The following MTARC2 variants were observed in gnomAD, a reference collection of about 807,000 sequenced individuals.
The protein encoded by MTARC2 is MOCO sulphurase C-terminal domain containing 2.
In MTARC2, 27 loss-of-function variants were observed where a neutral mutation model predicts 35.6. The ratio of observed to expected loss-of-function variants is 0.76; its 90% confidence interval spans 0.56 to 1.04. MTARC2 has a LOEUF of 1.04. Ranked by LOEUF, MTARC2 falls within the 50% of genes least tolerant of loss-of-function variation. The probability of loss-of-function intolerance (pLI) is 0.00; values close to 1 mark genes in which losing one functional copy is unlikely to be tolerated. For synonymous variants in MTARC2, 158 were observed against 167.1 expected (o/e 0.95, Z 0.42); for missense variants, 412 against 432.5 (o/e 0.95, Z 0.42).
rs749202210 is a variant in MTARC2 at position 220,748,746 on chromosome 1, C to G, written c.215C>G (p.Pro72Arg). The G allele has an allele frequency of 2.5e-6, 4 of 1,600,196 alleles. No homozygotes were observed. The highest frequency in any genetic ancestry group is 3.4e-5 in the Admixed American group (2 of 58,858). ...IYPVKSCKGV[P>R]VSEAECTAMG... ...CCGGTGAAATCCTGCAAAGGGGTGCCGGTGAGCGAGGCTGAGTGCACGGCC... is the reference window on the plus strand; with the variant it reads ...CCGGTGAAATCCTGCAAAGGGGTGCGGGTGAGCGAGGCTGAGTGCACGGCC... The change falls in exon 1 of 8, where the codon CCG (proline) becomes CGG (arginine). Residue 72 changes from proline (P) to arginine (R), a missense_variant. Pro to Arg is a moderately radical substitution (Grantham distance 103). Transcript: ENST00000366913.
rs1672154903 is a variant in MTARC2 at position 220,784,206 on chromosome 1, T to C, written c.*319T>C. 4 of 413,700 alleles carry C rather than the reference T, an allele frequency of 9.7e-6. No homozygotes were observed. The Admixed American group carries it at 1.6e-4, about 17-fold the overall frequency. 25.6% of individuals were successfully genotyped at this position (413,700 alleles called of 1,614,324 possible). ...CTATTACACTTTTACTTCCTGACTT[T>C]AATATTGATGAATAAAGCAAGTTTA... is the stretch of plus-strand genomic sequence containing the variant. On this transcript the variant is annotated 3_prime_UTR_variant, in exon 8 of 8. Transcript: ENST00000366913.
chr1:220,780,593 G>GT (rs1254638966), intron 6 of MTARC2, among the ~76,000 whole-genome samples: 2 of 151,926 alleles, frequency 1.3e-5, no homozygotes, highest in Non-Finnish European at 2.9e-5. Context: ...GGGACTACAG[G>GT]TGTGTGCCAC....
chr1:220,768,433 GA>G (rs926555032), intron 4 of MTARC2, among the ~76,000 whole-genome samples: 5 of 152,132 alleles, frequency 3.3e-5, no homozygotes, highest in African/African-American at 1.2e-4. Context: ...TTGTTTTTCA[GA>G]TAAGGAAACT....
intron 2 of MTARC2, among the ~76,000 whole-genome samples, chr1:220,756,663 A>G (rs1169250732): frequency 6.6e-6 from 1 of 152,092 alleles, no homozygotes; most frequent in Non-Finnish European, 1.5e-5. Flanking sequence ...ATTGGAAGAC[A>G]TGTGAAGGTG....
intron 4 of MTARC2, among the ~76,000 whole-genome samples, chr1:220,772,823 T>C (rs904440457): frequency 3.3e-5 from 5 of 152,132 alleles, no homozygotes; most frequent in African/African-American, 1.2e-4. Flanking sequence ...GATTTTGAAA[T>C]ATGACATTAA....
intron 7 of MTARC2, among the ~76,000 whole-genome samples, chr1:220,782,794 T>C (rs1293915138): frequency 6.6e-6 from 1 of 152,204 alleles, no homozygotes; most frequent in Non-Finnish European, 1.5e-5. Flanking sequence ...TCCAAGCATC[T>C]TCCTAACTTG....
intron 7 of MTARC2, among the ~76,000 whole-genome samples, 158 bp from the exon 8 acceptor site, chr1:220,783,761 G>A (rs1672144078): frequency 6.6e-6 from 1 of 152,218 alleles, no homozygotes; most frequent in African/African-American, 2.4e-5. Context: ...CCTGGGAGCT[G>A]ATGTGAGTTA....
At chr1:220,783,364 T>C (rs568808214) in intron 7 of MTARC2, among the ~76,000 whole-genome samples, 1 of 152,138 alleles carries the variant, frequency 6.6e-6, no homozygotes, top group African/African-American at 2.4e-5. Flanking sequence ...TTGGGGAGAG[T>C]GGACCCAAGC....
chr1:220,771,031 G>T (rs989897063), intron 4 of MTARC2, among the ~76,000 whole-genome samples: 8 of 152,172 alleles, frequency 5.3e-5, no homozygotes, highest in African/African-American at 1.9e-4. Flanking sequence ...AGGCTCCGTG[G>T]CTCACGCCTG....
intron 6 of MTARC2, among the ~76,000 whole-genome samples, chr1:220,780,693 G>A (rs972670044): frequency 3.9e-5 from 6 of 151,912 alleles, no homozygotes; most frequent in African/African-American, 1.2e-4. Context: ...TCAGTGATTC[G>A]CCTGCCTCCC....
intron 4 of MTARC2, among the ~76,000 whole-genome samples, chr1:220,765,819 C>T (rs1247449343): frequency 6.6e-6 from 1 of 152,204 alleles, no homozygotes; most frequent in African/African-American, 2.4e-5. Context: ...TGGACTCAAG[C>T]AATCTGCCTG....
rs377337573 is a variant in MTARC2, at chr1:220,774,055, A to T, written c.751-5963A>T. 6.6e-4 allele frequency among the ~76,000 whole-genome samples: 99 copies of T among 151,080 alleles called. 1 individual carries two copies. The South Asian group carries it at 0.015, about 23-fold the overall frequency. On this transcript the variant is annotated intron_variant, in intron 4 of 7. Transcript: ENST00000366913. ...TGAAAAGTGTTCAGTGTTAATAGAT[A>T]TAGACTCACATCCTCGTTTTTTTTT...
chr1:220,766,858 T>G (rs1468003990), intron 4 of MTARC2, among the ~76,000 whole-genome samples: 1 of 75,790 alleles, frequency 1.3e-5, no homozygotes, highest in Non-Finnish European at 2.4e-5. Context: ...AAAATAAAAG[T>G]ACAAAAAAAA....
chr1:220,757,082 A>T (rs1235187579), intron 2 of MTARC2, among the ~76,000 whole-genome samples: 1 of 152,098 alleles, frequency 6.6e-6, no homozygotes, highest in African/African-American at 2.4e-5. Context: ...TTGTATTTTT[A>T]GTAGAAATGG....
At chr1:220,769,603 A>C (rs1356885889) in intron 4 of MTARC2, among the ~76,000 whole-genome samples, 6 of 152,130 alleles carry the variant, frequency 3.9e-5, no homozygotes, top group Admixed American at 2.0e-4. Context: ...TGGAGAGCAG[A>C]GTGGCCTTTA....
At chr1:220,773,037 T>G (rs1671788300) in intron 4 of MTARC2, among the ~76,000 whole-genome samples, 1 of 152,128 alleles carries the variant, frequency 6.6e-6, no homozygotes, top group Non-Finnish European at 1.5e-5. Context: ...CAATCATACC[T>G]GACTTTATGC....
At chr1:220,762,658 C>T (rs1279786624) in intron 3 of MTARC2, among the ~76,000 whole-genome samples, 1 of 152,098 alleles carries the variant, frequency 6.6e-6, no homozygotes, top group South Asian at 2.1e-4. Flanking sequence ...GAGTGGGAAC[C>T]CAGGAAGAGG....
intron 1 of MTARC2, among the ~76,000 whole-genome samples, chr1:220,750,215 G>C (rs1671093304): frequency 6.6e-6 from 1 of 152,196 alleles, no homozygotes; most frequent in African/African-American, 2.4e-5. Flanking sequence ...AAATATGAAG[G>C]ATAAGAAAAG....
chr1:220,782,076 C>T, intron 7 of MTARC2, 144 bp downstream of exon 7: 1 of 731,298 alleles, frequency 1.4e-6, no homozygotes. Context: ...GGAAAATGCC[C>T]TTAATTTCTG....
Sources: gnomAD v4.1 joint callset for allele counts (sites outside exome capture counted in the v4.1 genomes callset) on GRCh38, gnomAD v4.1.1 for gene constraint, MANE v1.5 for transcripts, NCBI Gene and HGNC (gene_info 2026-07-23, HGNC 2026-07-21) for gene names.